Variants in RNASET2 observed in about 807,000 individuals in gnomAD.
The protein encoded by RNASET2 is ribonuclease T2.
In RNASET2, 28 loss-of-function variants were observed where a neutral mutation model predicts 33.9. The observed-to-expected ratio is 0.83, with a 90% CI of 0.61 to 1.13. The LOEUF is 1.13. RNASET2 is among the 50% of genes most tolerant of loss of function. The probability of loss-of-function intolerance (pLI) is 0.00; values close to 1 mark genes in which losing one functional copy is unlikely to be tolerated. For missense variants in RNASET2, 330 were observed against 319.9 expected (o/e 1.03, Z -0.24); for synonymous variants, 123 against 121.0 (o/e 1.02, Z -0.11).
rs186542803 is a variant in RNASET2 at position 166,954,234 on chromosome 6, G to A, written c.87-1686C>T. Among the ~76,000 whole-genome samples the A allele has an allele frequency of 1.7e-4, 26 of 152,284 alleles. No homozygotes were observed. The East Asian group carries it at 4.2e-3, about 25-fold the overall frequency. ...CCAGTTAGAACTTGGGAAAATGCCC[G>A]CTGACCTATGAAGCCCTCGTGGTCT... On this transcript the variant is annotated intron_variant, in intron 1 of 8. Transcript: ENST00000508775.
At position 166,929,524 on chromosome 6, in the gene RNASET2, T is replaced by C. The variant is rs2128643573; in HGVS notation, c.*64A>G. ...CAGACTTCACTTTGGAGTTGTTTTT[T>C]AGAAAGCTGCAGTTTGTGAATTTCT... On this transcript the variant is annotated 3_prime_UTR_variant, in exon 9 of 9. Transcript: ENST00000508775. 6 of 1,546,404 alleles carry C rather than the reference T, an allele frequency of 3.9e-6. No homozygotes were observed. Among genetic ancestry groups the C allele is most frequent in the African/African-American group, 1.4e-5 (1 of 73,538 alleles).
At chr6:166,946,932 T>G (rs765157082) in intron 3 of RNASET2, 193 bp from the exon 4 acceptor site, 12 of 653,612 alleles carry the variant, frequency 1.8e-5, no homozygotes, top group Non-Finnish European at 3.3e-5. Flanking sequence ...TTCAAATTTC[T>G]TTAGAAGGGA....
At position 166,926,668 on chromosome 6, in the gene RNASET2, A is replaced by G. The variant is rs930745323; in HGVS notation, c.*2920T>C. Among the ~76,000 whole-genome samples, 1 of 152,136 alleles carries G rather than the reference A, an allele frequency of 6.6e-6. No homozygotes were observed. Among genetic ancestry groups the G allele is most frequent in the Non-Finnish European group, 1.5e-5 (1 of 68,026 alleles). ...AGAGGGATTGCTTTCCAGGTGACAAAGCATTGTCCCCTCCCAGGCCAAGAG... is the reference window on the plus strand; with the variant it reads ...AGAGGGATTGCTTTCCAGGTGACAAGGCATTGTCCCCTCCCAGGCCAAGAG... On this transcript the variant is annotated 3_prime_UTR_variant, in exon 9 of 9. Coordinates refer to ENST00000508775, the MANE Select transcript of RNASET2 (RefSeq NM_003730.6).
chr6:166,929,860 GA>G, intron 8 of RNASET2, 69 bp from the exon 9 acceptor site: 1 of 1,375,470 alleles, frequency 7.3e-7, no homozygotes, highest in Non-Finnish European at 1.0e-6. Context: ...TTAAGATCAT[GA>G]ACTTTTAGAA....
Position 166,931,073 on chromosome 6 carries a change from G to A in RNASET2, c.538C>T (p.Pro180Ser), listed in dbSNP as rs1468475059. The A allele has an allele frequency of 1.9e-6, 3 of 1,612,646 alleles. No homozygotes were observed. Among genetic ancestry groups the A allele is most frequent in the East Asian group, 2.2e-5 (1 of 44,886 alleles). The change falls in exon 8 of 9, where the codon CCC becomes TCC. Residue 180 changes from proline to serine, a missense_variant. Physicochemically the swap from Pro to Ser is moderately conservative, Grantham distance 74 (BLOSUM62 -1). Coordinates refer to ENST00000508775, the MANE Select transcript of RNASET2 (RefSeq NM_003730.6). The stretch of plus-strand genomic sequence containing the variant: ...CTTGGTGGAAGGCACTGGATTTTGG[G>A]TATCACTCCATATACTCTGGCAAGG... The part of the protein sequence containing the change: ...DALARVYGVI[P>S]KIQCLPPSQD...
At chr6:166,949,261 T>C (rs1027769370) in intron 2 of RNASET2, among the ~76,000 whole-genome samples, 1 of 147,314 alleles carries the variant, frequency 6.8e-6, no homozygotes, top group Non-Finnish European at 1.5e-5. Flanking sequence ...CTCAGCACTT[T>C]GGGAGGCGGA....
At chr6:166,949,600 T>C (rs1042286360) in intron 2 of RNASET2, among the ~76,000 whole-genome samples, 3 of 151,882 alleles carry the variant, frequency 2.0e-5, no homozygotes, top group African/African-American at 7.3e-5. Context: ...GAAAAATCAG[T>C]TGAGGAAGTA....
rs551445047 is a variant in RNASET2, at chr6:166,936,991, C to A, written c.446+1904G>T. Among the ~76,000 whole-genome samples the A allele has an allele frequency of 3.3e-5, 5 of 152,296 alleles. No homozygotes were observed. The South Asian group carries it at 1.0e-3, about 32-fold the overall frequency. The stretch of plus-strand genomic sequence containing the variant: ...CTGCAGCAGGGTCAGGACTGTGAGA[C>A]CCCTGTTTTGAAACAGAGGGCATCT... On this transcript the variant is annotated intron_variant, in intron 6 of 8. Coordinates refer to ENST00000508775, the MANE Select transcript of RNASET2 (RefSeq NM_003730.6).
chr6:166,949,385 C>T (rs117933444), intron 2 of RNASET2, among the ~76,000 whole-genome samples: 2,132 of 150,262 alleles, frequency 0.014, 34 homozygotes, highest in East Asian at 0.088. Context: ...CCTACAGTTC[C>T]AGCTCCTCAG....
rs1334295185 is a variant in RNASET2, at chr6:166,922,830, A to G, written c.*6758T>C. Among the ~76,000 whole-genome samples, 1 of 152,222 alleles carries G rather than the reference A, an allele frequency of 6.6e-6. No homozygotes were observed. Among genetic ancestry groups the G allele is most frequent in the Non-Finnish European group, 1.5e-5 (1 of 68,040 alleles). The stretch of plus-strand genomic sequence containing the variant: ...GTGCAGTCCAAGACATATGGTCATC[A>G]AGACAGAAGAGCAGATGGTGACAGG... On this transcript the variant is annotated 3_prime_UTR_variant, in exon 9 of 9. Transcript: ENST00000508775.
chr6:166,938,818 C>T, intron 6 of RNASET2, 77 bp downstream of exon 6: 1 of 1,027,740 alleles, frequency 9.7e-7, no homozygotes, highest in Non-Finnish European at 1.6e-6. Flanking sequence ...CACCCACTCC[C>T]CTGGATCCAG....
In RNASET2 at chr6:166,927,267, T is replaced by A; in HGVS notation, c.*2321A>T. Among the ~76,000 whole-genome samples the A allele has an allele frequency of 6.6e-6, 1 of 152,106 alleles. No individual in the cohort carries two copies. Among genetic ancestry groups the A allele is most frequent in the Non-Finnish European group, 1.5e-5 (1 of 68,010 alleles). On this transcript the variant is annotated 3_prime_UTR_variant, in exon 9 of 9. Transcript: ENST00000508775. ...TTATACTTACATGATCTGAGGCAGG[T>A]TATCAAACGCTCATGTTCTACCTGC...
In RNASET2 at chr6:166,923,100, C is replaced by T. The variant is rs766566170; in HGVS notation, c.*6488G>A. On this transcript the variant is annotated 3_prime_UTR_variant, in exon 9 of 9. Transcript: ENST00000508775. Reference sequence around the variant, plus strand: ...CTTAACTTTATCCATCTCAAACTTTCTTTTGGAGATGGAGTCTCACTCTGT... The same window carrying T: ...CTTAACTTTATCCATCTCAAACTTTTTTTTGGAGATGGAGTCTCACTCTGT... Among the ~76,000 whole-genome samples the T allele has an allele frequency of 6.6e-6, 1 of 152,188 alleles. No individual in the cohort carries two copies. Among genetic ancestry groups the T allele is most frequent in the Non-Finnish European group, 1.5e-5 (1 of 68,026 alleles).
intron 1 of RNASET2, chr6:166,955,357 ACACACG>A (rs1386148096): frequency 9.7e-6 from 2 of 206,252 alleles, no homozygotes; most frequent in Non-Finnish European, 1.2e-5. Context: ...GCACGCACAC[ACACACG>A]CACACACAAA....
At position 166,927,661 on chromosome 6, in the gene RNASET2, G is replaced by C. The variant is rs2128643206; in HGVS notation, c.*1927C>G. On this transcript the variant is annotated 3_prime_UTR_variant, in exon 9 of 9. Transcript: ENST00000508775. ...CTGTTCAAATTCACCAGCTCCTCTG[G>C]GAATAATGAAGATAAAACCCAAGCC... Among the ~76,000 whole-genome samples the C allele has an allele frequency of 7.2e-6, 1 of 139,094 alleles. No homozygotes were observed. Among genetic ancestry groups the C allele is most frequent in the Admixed American group, 7.2e-5 (1 of 13,950 alleles). The allele number at this position is 139,094 out of a possible 152,430, so 91.3% of individuals were successfully genotyped here.
chr6:166,955,996 G>A, intron 1 of RNASET2, 101 bp downstream of exon 1: 1 of 1,262,514 alleles, frequency 7.9e-7, no homozygotes, highest in Middle Eastern at 1.9e-4. Context: ...CGCTGCCCGG[G>A]GCTCAGCGAC....
At position 166,926,766 on chromosome 6, in the gene RNASET2, T is replaced by A. The variant is rs970772334; in HGVS notation, c.*2822A>T. On this transcript the variant is annotated 3_prime_UTR_variant, in exon 9 of 9. Transcript: ENST00000508775. ...GAAGGAGTTTCATGGGAACCTGGTT[T>A]TCTTGTCTCGCTTTTACCTATGGTG... 6.6e-6 allele frequency among the ~76,000 whole-genome samples: 1 copy of A among 152,124 alleles called. No homozygotes were observed. Among genetic ancestry groups the A allele is most frequent in the African/African-American group, 2.4e-5 (1 of 41,418 alleles).
intron 7 of RNASET2, chr6:166,931,671 C>A: frequency 5.8e-6 from 1 of 171,570 alleles, no homozygotes; most frequent in Non-Finnish European, 1.3e-5. Flanking sequence ...CCTCGCTCTA[C>A]TGAGGGAGTC....
chr6:166,948,306 A>G, intron 3 of RNASET2: 1 of 513,440 alleles, frequency 1.9e-6, no homozygotes, highest in South Asian at 1.8e-5. Context: ...AGATCGTGCC[A>G]CTGCACTTCA....
Sources: gnomAD v4.1 joint callset for allele counts (sites outside exome capture counted in the v4.1 genomes callset) on GRCh38, gnomAD v4.1.1 for gene constraint, MANE v1.5 for transcripts, NCBI Gene and HGNC (gene_info 2026-07-23, HGNC 2026-07-21) for gene names.